Variants in NWD2 observed in about 807,000 individuals in gnomAD.
NWD2 encodes the protein NACHT and WD repeat domain containing 2.
NWD2 carries 37 observed loss-of-function variants against 132.7 expected under a neutral mutation model. That is an observed-to-expected ratio of 0.28 (90% CI 0.21 to 0.37). The LOEUF is 0.37. Ranked by LOEUF, NWD2 falls within the 10% of genes least tolerant of loss-of-function variation. The probability of loss-of-function intolerance (pLI) is 1.00; values close to 1 mark genes in which losing one functional copy is unlikely to be tolerated. For missense variants in NWD2, 1,592 were observed against 2,122.4 expected (o/e 0.75, Z 4.91); for synonymous variants, 705 against 803.0 (o/e 0.88, Z 2.06).
chr4:37,402,696 C>T (rs538908823), intron 3 of NWD2, among the ~76,000 whole-genome samples: 2 of 152,144 alleles, frequency 1.3e-5, no homozygotes, highest in African/African-American at 2.4e-5. Flanking sequence ...AATGCTAATA[C>T]GTTCTAGCCC....
chr4:37,432,364 GAAAAA>G lies in NWD2; in HGVS notation c.562-1498_562-1494del, dbSNP rs71185140. 8.4e-3 allele frequency among the ~76,000 whole-genome samples: 1,161 copies of G among 138,618 alleles called. 13 individuals carry two copies. The highest frequency in any genetic ancestry group is 0.047 in the South Asian group (204 of 4,342). The allele number at this position is 138,618 out of a possible 152,430, so 90.9% of individuals were successfully genotyped here. A position where few individuals can be genotyped will look rare whatever the true frequency, so the allele number is the denominator to read the frequency against. Reference sequence around the variant, plus strand: ...GAATAATACATGTGAGGGTGAAGAAGAAAAAAAAAAAAAAAAAATCAAGAAAATTG... The same window carrying G: ...GAATAATACATGTGAGGGTGAAGAAGAAAAAAAAAAAAATCAAGAAAATTG... On this transcript the variant is annotated intron_variant, in intron 4 of 6. Transcript: ENST00000309447.
At chr4:37,341,183 C>T (rs1053479097) in intron 2 of NWD2, among the ~76,000 whole-genome samples, 3 of 152,202 alleles carry the variant, frequency 2.0e-5, no homozygotes, top group African/African-American at 7.2e-5. Context: ...ACATGAGATA[C>T]TCAACACTTT....
chr4:37,353,483 A>G (rs185502184), intron 2 of NWD2, among the ~76,000 whole-genome samples: 3 of 152,298 alleles, frequency 2.0e-5, no homozygotes, highest in Non-Finnish European at 2.9e-5. Context: ...AGATACACCA[A>G]TCAAACTTAG....
At chr4:37,354,619 CCTT>C (rs2109300093) in intron 2 of NWD2, among the ~76,000 whole-genome samples, 1 of 152,270 alleles carries the variant, frequency 6.6e-6, no homozygotes, top group East Asian at 1.9e-4. Context: ...CTATTATTGT[CCTT>C]CTCAGGACAG....
chr4:37,276,117 A>G (rs1718006659), intron 1 of NWD2, among the ~76,000 whole-genome samples: 1 of 152,194 alleles, frequency 6.6e-6, no homozygotes, highest in Non-Finnish European at 1.5e-5. Flanking sequence ...ATTAAACTAA[A>G]GAGCTTCTGC....
chr4:37,351,876 T>C (rs1719773626), intron 2 of NWD2, among the ~76,000 whole-genome samples: 1 of 152,214 alleles, frequency 6.6e-6, no homozygotes, highest in Admixed American at 6.5e-5. Context: ...TGGTATGTTG[T>C]GTCTTCATTC....
At chr4:37,348,743 TTACATAGGTA>T (rs1300052589) in intron 2 of NWD2, among the ~76,000 whole-genome samples, 4 of 145,716 alleles carry the variant, frequency 2.7e-5, no homozygotes, top group Non-Finnish European at 6.0e-5. Context: ...TGCAGGTTTG[TTACATAGGTA>T]TACACGTGCC....
intron 1 of NWD2, among the ~76,000 whole-genome samples, chr4:37,318,009 CTTT>C (rs138480814): frequency 0.043 from 5,947 of 138,980 alleles, 213 homozygotes; most frequent in African/African-American, 0.14. Flanking sequence ...TTTCTTTTTT[CTTT>C]TTTCTTTCTT....
At chr4:37,289,782 C>T (rs75921242) in intron 1 of NWD2, among the ~76,000 whole-genome samples, 3,040 of 152,186 alleles carry the variant, frequency 0.02, 77 homozygotes, top group East Asian at 0.11. Context: ...CCCAAATTTC[C>T]TTCATATCCC....
intron 1 of NWD2, among the ~76,000 whole-genome samples, chr4:37,275,370 G>T (rs1425405714): frequency 1.3e-5 from 2 of 152,018 alleles, no homozygotes; most frequent in African/African-American, 2.4e-5. Flanking sequence ...AACTTACAAG[G>T]GATGTGAAGG....
At chr4:37,304,805 G>A (rs188882104) in intron 1 of NWD2, among the ~76,000 whole-genome samples, 54 of 152,324 alleles carry the variant, frequency 3.5e-4, no homozygotes, top group African/African-American at 1.3e-3. Context: ...GGCATTTCCA[G>A]GTGCCCAGTA....
At chr4:37,274,119 T>C (rs1717936886) in intron 1 of NWD2, among the ~76,000 whole-genome samples, 1 of 151,758 alleles carries the variant, frequency 6.6e-6, no homozygotes, top group Non-Finnish European at 1.5e-5. Context: ...AAAAAACCCT[T>C]CAAAAAATCA....
intron 2 of NWD2, among the ~76,000 whole-genome samples, chr4:37,344,587 G>A (rs898854265): frequency 2.0e-5 from 3 of 152,074 alleles, no homozygotes; most frequent in Non-Finnish European, 2.9e-5. Flanking sequence ...TGAAATAAAG[G>A]AAAATAAATA....
intron 1 of NWD2, among the ~76,000 whole-genome samples, chr4:37,269,637 T>G (rs2109262697): frequency 6.6e-6 from 1 of 151,970 alleles, no homozygotes; most frequent in Middle Eastern, 3.4e-3. Context: ...CAGCATAAGG[T>G]TTTGAAGATT....
In NWD2 at chr4:37,280,651, A is replaced by G. The variant is rs377221830; in HGVS notation, c.151+35433A>G. Among the ~76,000 whole-genome samples, 18 of 152,270 alleles carry G rather than the reference A, an allele frequency of 1.2e-4. No homozygotes were observed. In the East Asian group the frequency reaches 2.1e-3, roughly 18 times the overall value. On this transcript the variant is annotated intron_variant, in intron 1 of 6. Transcript: ENST00000309447. ...CTGCAGGAAGCAGATGGTACACTCA[A>G]GCTAGGTTAACTCTAGAGGGTTTAA...
chr4:37,371,257 A>T (rs1177950443), intron 3 of NWD2, among the ~76,000 whole-genome samples: 3 of 151,504 alleles, frequency 2.0e-5, no homozygotes, highest in Non-Finnish European at 4.4e-5. Context: ...TTGTATTTTT[A>T]GTAGAGACAG....
At chr4:37,348,343 C>T (rs1719680423) in intron 2 of NWD2, among the ~76,000 whole-genome samples, 1 of 151,972 alleles carries the variant, frequency 6.6e-6, no homozygotes, top group Admixed American at 6.6e-5. Flanking sequence ...TAAATCACCT[C>T]CTCCACGGAC....
At chr4:37,339,076 T>C (rs1719468618) in intron 2 of NWD2, among the ~76,000 whole-genome samples, 1 of 152,214 alleles carries the variant, frequency 6.6e-6, no homozygotes. Flanking sequence ...ACAGGGCCAG[T>C]GCTCCAACCT....
At chr4:37,424,938 A>G (rs925805423) in intron 3 of NWD2, among the ~76,000 whole-genome samples, 1 of 152,212 alleles carries the variant, frequency 6.6e-6, no homozygotes, top group African/African-American at 2.4e-5. Context: ...CATGAAGAGC[A>G]GAGTGGAGAG....
Sources: allele counts gnomAD v4.1 joint callset (sites outside exome capture counted in the v4.1 genomes callset), GRCh38; gene constraint gnomAD v4.1.1; transcripts MANE v1.5; gene names NCBI Gene and HGNC (gene_info 2026-07-23, HGNC 2026-07-21).